The following TUBGCP2 variants were observed in gnomAD, a reference collection of about 807,000 sequenced individuals.
TUBGCP2 encodes the protein tubulin gamma complex component 2.
Under a neutral mutation model 92.2 loss-of-function variants are expected in TUBGCP2, and 55 were observed. The ratio of observed to expected loss-of-function variants is 0.60; its 90% confidence interval spans 0.48 to 0.75. The LOEUF is 0.75. TUBGCP2 is among the 30% of genes least tolerant of loss of function. The probability of loss-of-function intolerance (pLI) is 0.00; values close to 1 mark genes in which losing one functional copy is unlikely to be tolerated. For missense variants in TUBGCP2, 1,093 were observed against 1,188.9 expected, an observed-to-expected ratio of 0.92 and a Z score of 1.19; for synonymous variants, 533 against 505.2, an observed-to-expected ratio of 1.06 and a Z score of -0.74.
At chr10:133,311,337 C>G (rs185375605), upstream of TUBGCP2, among the ~76,000 whole-genome samples, 32 of 152,184 alleles carry the variant, frequency 2.1e-4, 1 homozygote, top group South Asian at 5.6e-3. Context: ...GGAGAAAAAC[C>G]GTGCAATGCT....
Position 133,293,036 on chromosome 10 carries a change from C to T in TUBGCP2, c.1024+3G>A, listed in dbSNP as rs1847399493. On this transcript the variant is annotated splice_donor_region_variant and intron_variant, in intron 7 of 17. Coordinates refer to ENST00000252936, the MANE Select transcript of TUBGCP2 (RefSeq NM_006659.4). ...GCCCCATGCCCCCCGGGCGGGCACG[C>T]ACCGAGGGAGGCCAGGATGTCCATG... 9 of 1,612,442 alleles carry T rather than the reference C, an allele frequency of 5.6e-6. No homozygotes were observed. The highest frequency in any genetic ancestry group is 2.2e-5 in the East Asian group (1 of 44,868).
intron 6 of TUBGCP2, 78 bp downstream of exon 6, chr10:133,293,484 T>C: frequency 6.8e-7 from 1 of 1,474,488 alleles, no homozygotes; most frequent in South Asian, 1.2e-5. Context: ...GATGCAGACG[T>C]CCCCATGGTC....
upstream of TUBGCP2, chr10:133,309,163 C>T (rs1022564047): frequency 3.3e-5 from 45 of 1,375,734 alleles, no homozygotes; most frequent in African/African-American, 4.3e-4. Flanking sequence ...CGAGGCGGGG[C>T]CGGAGCCTGG....
intron 5 of TUBGCP2, among the ~76,000 whole-genome samples, chr10:133,294,619 TC>T (rs1307273894): frequency 6.6e-6 from 1 of 151,894 alleles, no homozygotes; most frequent in African/African-American, 2.4e-5. Context: ...TTTTTTTTTT[TC>T]CTTTTTTTAT....
At chr10:133,291,209 C>T (rs1003764602) in intron 8 of TUBGCP2, among the ~76,000 whole-genome samples, 5 of 152,222 alleles carry the variant, frequency 3.3e-5, no homozygotes, top group Middle Eastern at 3.4e-3. Context: ...CAAAGGAAGG[C>T]CAGAGCCCCC....
upstream of TUBGCP2, chr10:133,309,348 C>T (rs1847929960): frequency 6.3e-7 from 1 of 1,593,384 alleles, no homozygotes. Flanking sequence ...GTGGGCGTGC[C>T]GCGAGTCACC....
intron 16 of TUBGCP2, 65 bp from the exon 17 acceptor site, chr10:133,281,501 C>T: frequency 6.4e-7 from 1 of 1,569,380 alleles, no homozygotes; most frequent in Non-Finnish European, 8.6e-7. Context: ...TGGCTCCACA[C>T]TGTTCCCAGC....
chr10:133,310,191 G>C (rs201856788), upstream of TUBGCP2: 119 of 1,614,048 alleles, frequency 7.4e-5, 1 homozygote, highest in East Asian at 2.5e-3. Context: ...AGGCTGCACA[G>C]AGAAGTTCAA....
intron 1 of TUBGCP2, among the ~76,000 whole-genome samples, chr10:133,303,929 T>G (rs577044017): frequency 6.6e-6 from 1 of 152,312 alleles, no homozygotes; most frequent in East Asian, 1.9e-4. Flanking sequence ...GGTCAGGGTG[T>G]AGGGTGAGCC....
upstream of TUBGCP2, chr10:133,309,717 A>T: frequency 6.3e-7 from 1 of 1,591,556 alleles, no homozygotes. Context: ...ACTGTGCAGA[A>T]AGTCCAGCTT....
At chr10:133,302,637 G>A in intron 2 of TUBGCP2, 155 bp downstream of exon 2, 2 of 919,810 alleles carry the variant, frequency 2.2e-6, no homozygotes, top group Middle Eastern at 3.5e-4. Flanking sequence ...GGCTCACCCT[G>A]CACCCTCACC....
At chr10:133,293,921 T>G in intron 5 of TUBGCP2, 152 bp from the exon 6 acceptor site, 6 of 828,544 alleles carry the variant, frequency 7.2e-6, no homozygotes, top group Non-Finnish European at 1.1e-5. Flanking sequence ...CTGACCCCAC[T>G]GGGGAGCCAC....
chr10:133,290,170 C>G, intron 8 of TUBGCP2: 1 of 679,570 alleles, frequency 1.5e-6, no homozygotes, highest in Non-Finnish European at 2.4e-6. Flanking sequence ...CACGGTGGCT[C>G]ACGCCTGTAA....
At position 133,303,025 on chromosome 10, in the gene TUBGCP2, A is replaced by C. The variant is rs1404823670; in HGVS notation, c.-39-45T>G. ...TATTCATAAAATTCAAACTGTAGAA[A>C]TAAAAAACATTTTTTTAAACACTCA... is the stretch of plus-strand genomic sequence containing the variant. On this transcript the variant is annotated intron_variant, in intron 1 of 17. Transcript: ENST00000252936. 12 of 1,566,946 alleles carry C rather than the reference A, an allele frequency of 7.7e-6. No individual in the cohort carries two copies. In the Admixed American group the frequency reaches 2.0e-4, roughly 27 times the overall value.
Position 133,299,576 on chromosome 10 carries a change from T to C in TUBGCP2, c.307A>G (p.Lys103Glu), listed in dbSNP as rs747009190. 5 of 1,612,682 alleles carry C rather than the reference T, an allele frequency of 3.1e-6. No individual in the cohort carries two copies. Among genetic ancestry groups the C allele is most frequent in the Non-Finnish European group, 4.2e-6 (5 of 1,179,402 alleles). Residue 103 changes from lysine (K) to glutamate (E), a missense_variant, in exon 4 of 18, where the codon AAA (lysine) becomes GAA (glutamate). Physicochemically the swap from Lys to Glu is moderately conservative, Grantham distance 56 (BLOSUM62 1). Around this residue, in one of 3 missense-constraint regions of TUBGCP2, gnomAD observed 490 missense variants for 488.5 expected, o/e 1.00. Transcript: ENST00000252936. ...GCGGCTGCAAGCTCAGCTCTTTCTT[T>C]TGCATTCTGTTGTAAGTACTGCAGA... Reference protein sequence around the residue: ...ETLQYLQQNAKERAELAAAAV... With the variant: ...ETLQYLQQNAEERAELAAAAV...
At chr10:133,309,234 T>C (rs1589841832), upstream of TUBGCP2, 4 of 818,266 alleles carry the variant, frequency 4.9e-6, no homozygotes, top group Non-Finnish European at 4.7e-6. Flanking sequence ...GGACCTGAGG[T>C]GGTGGGGCGG....
At chr10:133,287,654 T>A (rs1314315023) in intron 11 of TUBGCP2, among the ~76,000 whole-genome samples, 5 of 150,270 alleles carry the variant, frequency 3.3e-5, no homozygotes, top group African/African-American at 4.9e-5. Context: ...AGGTAGAGCA[T>A]CACTTGAACC....
At chr10:133,298,673 T>C (rs1438492351) in intron 4 of TUBGCP2, among the ~76,000 whole-genome samples, 2 of 152,258 alleles carry the variant, frequency 1.3e-5, no homozygotes, top group African/African-American at 4.8e-5. Flanking sequence ...TCGGAAGCAC[T>C]GACTCCCACT....
intron 1 of TUBGCP2, among the ~76,000 whole-genome samples, chr10:133,305,997 T>A (rs1847809289): frequency 6.6e-6 from 1 of 152,164 alleles, no homozygotes; most frequent in South Asian, 2.1e-4. Flanking sequence ...AGAGCTGTGG[T>A]AGAGAGAAGT....
Sources: allele counts gnomAD v4.1 joint callset (sites outside exome capture counted in the v4.1 genomes callset), GRCh38; gene constraint gnomAD v4.1.1; regional missense constraint gnomAD v4.1.1; transcripts MANE v1.5; gene names NCBI Gene and HGNC (gene_info 2026-07-23, HGNC 2026-07-21).